The following VPS50 variants were observed in gnomAD, a reference collection of about 807,000 sequenced individuals.
The protein encoded by VPS50 is syndetin.
In VPS50, 70 loss-of-function variants were observed where a neutral mutation model predicts 139.7. The ratio of observed to expected loss-of-function variants is 0.50; its 90% CI spans 0.41 to 0.61. The LOEUF is 0.61. VPS50 is among the 20% of genes least tolerant of loss of function. The pLI, the probability that VPS50 is intolerant of heterozygous loss-of-function variation, is 0.00. For synonymous variants in VPS50, 365 were observed against 376.7 expected (o/e 0.97, Z 0.36); for missense variants, 921 against 1,133.7 (o/e 0.81, Z 2.69).
At chr7:93,281,775 C>G (rs1796333896) in intron 12 of VPS50, among the ~76,000 whole-genome samples, 3 of 152,116 alleles carry the variant, frequency 2.0e-5, no homozygotes, top group African/African-American at 7.2e-5. Context: ...GGAAAAGACA[C>G]AAGCAAAAAG....
intron 2 of VPS50, among the ~76,000 whole-genome samples, chr7:93,246,336 T>C (rs145205209): frequency 6.6e-6 from 1 of 151,978 alleles, no homozygotes; most frequent in African/African-American, 2.4e-5. Context: ...ATCAGCTATA[T>C]AAGCACTATA....
intron 23 of VPS50, among the ~76,000 whole-genome samples, chr7:93,341,970 G>A (rs1412933286): frequency 6.6e-6 from 1 of 152,204 alleles, no homozygotes; most frequent in African/African-American, 2.4e-5. Context: ...TTCCTGGGGA[G>A]AAGCCAAGAT....
At chr7:93,267,718 T>C (rs541221633) in intron 9 of VPS50, among the ~76,000 whole-genome samples, 1 of 152,080 alleles carries the variant, frequency 6.6e-6, no homozygotes, top group Non-Finnish European at 1.5e-5. Flanking sequence ...CCTGGAAAGA[T>C]AGATGGATGT....
chr7:93,348,891 A>T, intron 24 of VPS50, 84 bp downstream of exon 24: 1 of 914,128 alleles, frequency 1.1e-6, no homozygotes, highest in Admixed American at 2.2e-5. Context: ...TGTTTTTTTT[A>T]ACTGGAAGTC....
chr7:93,268,455 A>T (rs1795907801), intron 9 of VPS50, among the ~76,000 whole-genome samples: 1 of 152,054 alleles, frequency 6.6e-6, no homozygotes, highest in Non-Finnish European at 1.5e-5. Context: ...GGCATGCATT[A>T]GCTATTTTTC....
intron 2 of VPS50, among the ~76,000 whole-genome samples, chr7:93,240,217 GCACACACACACACACA>G (rs371902647): frequency 7.0e-6 from 1 of 142,296 alleles, no homozygotes. Context: ...ATATGTGTAT[GCACACACACACACACA>G]CACACACACA....
chr7:93,307,951 C>G (rs185784894), intron 18 of VPS50, among the ~76,000 whole-genome samples: 27 of 151,986 alleles, frequency 1.8e-4, no homozygotes, highest in Admixed American at 1.6e-3. Flanking sequence ...ATACTGGTTT[C>G]CTCAACTGTC....
rs1797768362 is a variant in VPS50 at position 93,326,231 on chromosome 7, G to T, written c.1977+2499G>T. Among the ~76,000 whole-genome samples the T allele has an allele frequency of 4.1e-5, 6 of 145,496 alleles. No homozygotes were observed. In the South Asian group the frequency reaches 1.3e-3, roughly 32 times the overall value. On this transcript the variant is annotated intron_variant, in intron 21 of 27. Transcript: ENST00000305866. ...CAAACACTGCATATTCTCACTCATA[G>T]GTGGGAATTGAACAATGAGAACACA...
rs10275351 is a variant in VPS50, at chr7:93,287,665, T to C, written c.943-4038T>C. 5.5e-3 allele frequency among the ~76,000 whole-genome samples: 834 copies of C among 152,270 alleles called. 8 individuals are homozygous for C. Among genetic ancestry groups the C allele is most frequent in the African/African-American group, 0.019 (806 of 41,562 alleles). On this transcript the variant is annotated intron_variant, in intron 12 of 27. Coordinates refer to ENST00000305866, the MANE Select transcript of VPS50 (RefSeq NM_017667.4). ...GAGCTATACTTAGATTAAATTTGTT[T>C]GCATAATATACACATTTATGCGAAG... is the stretch of plus-strand genomic sequence containing the variant.
intron 22 of VPS50, among the ~76,000 whole-genome samples, chr7:93,337,139 C>G (rs1301167224): frequency 6.6e-6 from 1 of 152,176 alleles, no homozygotes; most frequent in Non-Finnish European, 1.5e-5. Context: ...TAAATATAAA[C>G]ACAGAACTTT....
At chr7:93,327,022 G>C (rs1028620175) in intron 21 of VPS50, among the ~76,000 whole-genome samples, 1 of 152,116 alleles carries the variant, frequency 6.6e-6, no homozygotes, top group South Asian at 2.1e-4. Flanking sequence ...CCTGAATTTG[G>C]AAACTCACTA....
At chr7:93,248,758 A>G (rs960468734) in intron 2 of VPS50, among the ~76,000 whole-genome samples, 3 of 152,156 alleles carry the variant, frequency 2.0e-5, no homozygotes, top group Admixed American at 6.6e-5. Context: ...GGCAGCCCTA[A>G]CAGCGATGAA....
chr7:93,288,565 C>T (rs553653075), intron 12 of VPS50, among the ~76,000 whole-genome samples: 6 of 152,250 alleles, frequency 3.9e-5, no homozygotes, highest in African/African-American at 1.4e-4. Flanking sequence ...AAATTCCCCT[C>T]CTTGGGATTG....
chr7:93,348,660 C>G, intron 23 of VPS50, 51 bp from the exon 24 acceptor site: 1 of 1,140,648 alleles, frequency 8.8e-7, no homozygotes, highest in Non-Finnish European at 1.3e-6. Context: ...GCATGACAGG[C>G]TCTAAATCCT....
chr7:93,317,646 A>T (rs1423665903), intron 20 of VPS50, among the ~76,000 whole-genome samples: 1 of 152,174 alleles, frequency 6.6e-6, no homozygotes, highest in Non-Finnish European at 1.5e-5. Flanking sequence ...GAAAACGGGC[A>T]CCTTTAACAA....
intron 4 of VPS50, among the ~76,000 whole-genome samples, chr7:93,255,667 A>G (rs956584842): frequency 6.6e-5 from 10 of 152,244 alleles, no homozygotes; most frequent in African/African-American, 2.2e-4. Flanking sequence ...CCCTCTTTCT[A>G]GACAAAAACA....
At chr7:93,242,591 T>A (rs931826147) in intron 2 of VPS50, among the ~76,000 whole-genome samples, 5 of 151,948 alleles carry the variant, frequency 3.3e-5, no homozygotes, top group Admixed American at 1.3e-4. Context: ...CAATTTGTGC[T>A]ATTTAAGTAG....
intron 2 of VPS50, among the ~76,000 whole-genome samples, chr7:93,241,893 C>T (rs1257657527): frequency 1.3e-5 from 2 of 151,842 alleles, no homozygotes; most frequent in African/African-American, 4.8e-5. Flanking sequence ...AATGTTGTTG[C>T]TAGTTCTTGA....
chr7:93,259,707 A>T, intron 9 of VPS50, 75 bp downstream of exon 9: 1 of 757,070 alleles, frequency 1.3e-6, no homozygotes, highest in Non-Finnish European at 2.3e-6. Context: ...AAATGTTAAT[A>T]AACATTGAAA....
Sources: allele counts gnomAD v4.1 joint callset (sites outside exome capture counted in the v4.1 genomes callset), GRCh38; gene constraint gnomAD v4.1.1; transcripts MANE v1.5; gene names NCBI Gene and HGNC (gene_info 2026-07-23, HGNC 2026-07-21).